Variants in FGF13 observed in about 807,000 individuals in gnomAD.
The protein encoded by FGF13 is fibroblast growth factor homologous factor 2.
Under a neutral mutation model 19.5 loss-of-function variants are expected in FGF13, and 2 were observed. That is an observed-to-expected ratio of 0.10 (90% CI 0.04 to 0.32). The LOEUF (loss-of-function observed/expected upper bound fraction) is 0.32, where lower values mean the gene tolerates loss of function less well. Ranked by LOEUF, FGF13 falls within the 10% of genes least tolerant of loss-of-function variation. The pLI is 1.00. For missense variants in FGF13, 113 were observed against 192.7 expected, an observed-to-expected ratio of 0.59 and a Z score of 2.45; for synonymous variants, 72 against 76.9, an observed-to-expected ratio of 0.94 and a Z score of 0.33.
At chrX:138,914,742 C>A (rs913386803) in intron 1 of FGF13, among the ~76,000 whole-genome samples, 3 of 108,476 alleles carry the variant, frequency 2.8e-5, no homozygotes, top group African/African-American at 1.0e-4. Flanking sequence ...GTTGGAAAGG[C>A]CCTGCTGAGA....
intron 1 of FGF13, among the ~76,000 whole-genome samples, chrX:138,909,856 T>C (rs2091578020): frequency 8.9e-6 from 1 of 111,830 alleles, no homozygotes; most frequent in East Asian, 2.8e-4. Context: ...TAGCAGGCAT[T>C]TGGTGGGTAT....
chrX:138,787,568 T>C (rs190755031), intron 3 of FGF13, among the ~76,000 whole-genome samples: 23 of 112,050 alleles, frequency 2.1e-4, no homozygotes, highest in African/African-American at 7.5e-4. Flanking sequence ...TTGCTCTAAG[T>C]TCCCAGATAC....
Position 138,631,778 on chromosome X carries a change from T to C in FGF13, c.*1072A>G, listed in dbSNP as rs2089118883. The C allele has an allele frequency of 1.8e-5, 2 of 112,169 alleles. No individual in the cohort carries two copies. The highest frequency in any genetic ancestry group is 3.8e-5 in the Non-Finnish European group (2 of 53,185). 9.2% of individuals were successfully genotyped at this position (112,169 alleles called of 1,213,427 possible). ...CTCTATGCCAAGAACCCAACTTTCT[T>C]CCATGCAACAGATATGAAGATCTAA... On this transcript the variant is annotated 3_prime_UTR_variant, in exon 5 of 5. Transcript: ENST00000315930.
chrX:138,667,191 G>A (rs1212635160), intron 3 of FGF13, among the ~76,000 whole-genome samples: 1 of 105,782 alleles, frequency 9.5e-6, no homozygotes, highest in Non-Finnish European at 1.9e-5. Context: ...AGATATATAT[G>A]TATATTTGGA....
chrX:138,809,721 A>G (rs1355002190), intron 3 of FGF13, among the ~76,000 whole-genome samples: 1 of 112,154 alleles, frequency 8.9e-6, no homozygotes. Context: ...AATCTCCTTA[A>G]GCTGATAAGC....
At chrX:138,730,162 A>G (rs1448031598) in intron 1 of FGF13, among the ~76,000 whole-genome samples, 1 of 110,466 alleles carries the variant, frequency 9.1e-6, no homozygotes, top group Non-Finnish European at 1.9e-5. Flanking sequence ...TTTAAAAACA[A>G]TGTGTGCATG....
At chrX:138,778,469 C>T (rs888047075) in intron 3 of FGF13, among the ~76,000 whole-genome samples, 22 of 111,971 alleles carry the variant, frequency 2.0e-4, no homozygotes, top group Admixed American at 1.3e-3. Flanking sequence ...ACACCGTGCG[C>T]GAGCCGAAGC....
intron 3 of FGF13, among the ~76,000 whole-genome samples, chrX:138,659,802 A>G (rs1346987454): frequency 9.0e-6 from 1 of 111,633 alleles, no homozygotes; most frequent in East Asian, 2.8e-4. Context: ...GCAAACTAAC[A>G]CAGGAACAGA....
chrX:139,192,890 C>CT (rs773030619), intron 1 of FGF13, among the ~76,000 whole-genome samples: 23 of 111,923 alleles, frequency 2.1e-4, no homozygotes, highest in Non-Finnish European at 1.1e-4. Context: ...CACTGAAAGT[C>CT]TGTTTCCCTA....
intron 1 of FGF13, among the ~76,000 whole-genome samples, chrX:139,051,983 G>A (rs1047945863): frequency 2.7e-5 from 3 of 112,425 alleles, no homozygotes; most frequent in Non-Finnish European, 5.6e-5. Context: ...TTTAGCAGAA[G>A]TTGCTTTATA....
rs757415807 is a variant in FGF13 at position 138,900,984 on chromosome X, A to T, written c.-112-36334T>A. ...TCATTCTTAATACCAACTCGACCCCACCTTAAGTAAAGAAGTGCTCTCCAA... is the reference window on the plus strand; with the variant it reads ...TCATTCTTAATACCAACTCGACCCCTCCTTAAGTAAAGAAGTGCTCTCCAA... On this transcript the variant is annotated intron_variant, in intron 1 of 2. Coordinates refer to the FGF13 transcript ENST00000421460. Among the ~76,000 whole-genome samples, 3 of 111,905 alleles carry T rather than the reference A, an allele frequency of 2.7e-5. No homozygotes were observed. The South Asian group carries it at 1.1e-3, about 42-fold the overall frequency.
At chrX:138,871,141 G>A (rs1455346714) in intron 1 of FGF13, among the ~76,000 whole-genome samples, 2 of 112,284 alleles carry the variant, frequency 1.8e-5, no homozygotes, top group Admixed American at 1.9e-4. Context: ...AGGTTTTAAA[G>A]TCCACATGCC....
chrX:138,808,698 C>A (rs2090893753), intron 3 of FGF13, among the ~76,000 whole-genome samples: 1 of 109,992 alleles, frequency 9.1e-6, no homozygotes, highest in Non-Finnish European at 1.9e-5. Context: ...AGATCACTAG[C>A]AAGACTAATA....
At chrX:139,068,196 C>T (rs1339466077) in intron 1 of FGF13, among the ~76,000 whole-genome samples, 18 of 92,210 alleles carry the variant, frequency 2.0e-4, no homozygotes, top group Non-Finnish European at 3.3e-4. Flanking sequence ...TTTCAGCTTT[C>T]TACATATGGC....
intron 1 of FGF13, among the ~76,000 whole-genome samples, chrX:138,945,514 C>T (rs1227494424): frequency 2.7e-5 from 3 of 111,719 alleles, no homozygotes; most frequent in South Asian, 7.6e-4. Context: ...GGGGTCATTC[C>T]TAGAAGAAAG....
At chrX:139,196,659 ATAGTGGT>A (rs1345657011) in intron 1 of FGF13, among the ~76,000 whole-genome samples, 2 of 111,927 alleles carry the variant, frequency 1.8e-5, no homozygotes, top group Non-Finnish European at 3.8e-5. Flanking sequence ...GGAGTATGAT[ATAGTGGT>A]TAGTGGTTAG....
At chrX:138,834,099 C>T (rs964003182) in intron 3 of FGF13, among the ~76,000 whole-genome samples, 1 of 111,149 alleles carries the variant, frequency 9.0e-6, no homozygotes, top group Non-Finnish European at 1.9e-5. Flanking sequence ...AGGATATTGG[C>T]CTGAAGTTTT....
At chrX:139,045,473 G>C (rs1332326618) in intron 1 of FGF13, among the ~76,000 whole-genome samples, 1 of 112,524 alleles carries the variant, frequency 8.9e-6, no homozygotes, top group East Asian at 2.8e-4. Context: ...TCCCTAAAGA[G>C]CTTTTTCTTT....
intron 3 of FGF13, among the ~76,000 whole-genome samples, chrX:138,756,190 A>G (rs1008488233): frequency 2.7e-5 from 3 of 112,765 alleles, no homozygotes; most frequent in African/African-American, 9.7e-5. Flanking sequence ...CAGCTCTAGC[A>G]AACTAACAAA....
Sources: allele counts gnomAD v4.1 joint callset (sites outside exome capture counted in the v4.1 genomes callset), GRCh38; gene constraint gnomAD v4.1.1; transcripts MANE v1.5; gene names NCBI Gene and HGNC (gene_info 2026-07-23, HGNC 2026-07-21).